ZCCHC14: variants seen among roughly 807,000 people sequenced by gnomAD.
The protein encoded by ZCCHC14 is zinc finger CCHC domain-containing protein 14.
ZCCHC14 carries 16 observed loss-of-function variants against 85.0 expected under a neutral mutation model. That is an observed-to-expected ratio of 0.19 (90% CI 0.13 to 0.29). The LOEUF is 0.29. Among genes scored for constraint, ZCCHC14 ranks in the 10% least tolerant of loss-of-function variants. The pLI, the probability that ZCCHC14 is intolerant of heterozygous loss-of-function variation, is 1.00. For missense variants in ZCCHC14, 1,303 were observed against 1,443.5 expected (o/e 0.90, Z 1.58); for synonymous variants, 775 against 630.7 (o/e 1.23, Z -3.43).
intron 1 of ZCCHC14, among the ~76,000 whole-genome samples, chr16:87,484,978 T>C (rs1912448150): frequency 6.6e-6 from 1 of 152,098 alleles, no homozygotes; most frequent in African/African-American, 2.4e-5. Flanking sequence ...GGACCAGCCT[T>C]ACACAGAAAG....
At position 87,412,710 on chromosome 16, in the gene ZCCHC14, A is replaced by C; in HGVS notation, c.2011T>G (p.Leu671Val). Residue 671 changes from leucine to valine, a missense_variant, in exon 12 of 13, where the codon TTG becomes GTG. By Grantham distance (32) the Leu-to-Val change is conservative (BLOSUM62 1). This residue lies in a region of ZCCHC14 where 797 missense variants were observed against 730.8 expected (regional missense o/e 1.09). Coordinates refer to ENST00000671377, the MANE Select transcript of ZCCHC14 (RefSeq NM_015144.3). ...KLLSSSVHSLLSLEERNKGSG... is the reference protein window; with the variant it reads ...KLLSSSVHSLVSLEERNKGSG... ...CCTTTATTCCTTTCTTCTAGAGACA[A>C]AAGTGAGTGCACAGAAGACGAGAGG... 6.2e-7 allele frequency: 1 copy of C among 1,614,204 alleles called. No homozygotes were observed. The highest frequency in any genetic ancestry group is 8.5e-7 in the Non-Finnish European group (1 of 1,180,030).
In ZCCHC14 at chr16:87,492,818, G is replaced by A. The variant is rs1243009870; in HGVS notation, c.-580C>T. On this transcript the variant is annotated 5_prime_UTR_variant, in exon 1 of 13. Coordinates refer to ENST00000671377, the MANE Select transcript of ZCCHC14 (RefSeq NM_015144.3). This position sits in a 1 kb window ranked among gnomAD's most constrained non-coding sequence, Gnocchi z 6.7. ...CGGCCGCGAAACGGACGCTGGAGGG[G>A]GAGGGACGCGCGGCGGGAGGCGCGG... 6.8e-6 allele frequency among the ~76,000 whole-genome samples: 1 copy of A among 147,734 alleles called. No homozygotes were observed. The highest frequency in any genetic ancestry group is 2.4e-5 in the African/African-American group (1 of 41,046).
intron 3 of ZCCHC14, among the ~76,000 whole-genome samples, chr16:87,425,427 T>C (rs767749281): frequency 2.0e-5 from 3 of 151,744 alleles, no homozygotes; most frequent in Non-Finnish European, 4.4e-5. Flanking sequence ...AAATACAAAA[T>C]TGGCCGGGCA....
chr16:87,454,684 A>C (rs1055923084), intron 2 of ZCCHC14, among the ~76,000 whole-genome samples: 7 of 152,392 alleles, frequency 4.6e-5, no homozygotes, highest in African/African-American at 1.7e-4. Flanking sequence ...TAAAATGAAG[A>C]GCAGTGGGAA....
intron 1 of ZCCHC14, among the ~76,000 whole-genome samples, chr16:87,480,367 C>T (rs1438395576): frequency 2.6e-5 from 4 of 151,982 alleles, no homozygotes; most frequent in Non-Finnish European, 5.9e-5. Flanking sequence ...TGCGCCACTG[C>T]ACTCCAGCCT....
Position 87,417,760 on chromosome 16 carries a change from G to A in ZCCHC14, c.1101-18C>T, listed in dbSNP as rs1271754677. On this transcript the variant is annotated intron_variant, in intron 7 of 12. Coordinates refer to ENST00000671377, the MANE Select transcript of ZCCHC14 (RefSeq NM_015144.3). ...ACACAGGCCTGTGGGACAGGGGCAG[G>A]AGGGACACAGAGAGACTGTGGCTTC... The A allele has an allele frequency of 6.4e-7, 1 of 1,552,146 alleles. No individual in the cohort carries two copies. Among genetic ancestry groups the A allele is most frequent in the Non-Finnish European group, 8.7e-7 (1 of 1,152,700 alleles).
At position 87,411,589 on chromosome 16, in the gene ZCCHC14, A is replaced by C. The variant is rs753437902; in HGVS notation, c.3132T>G (p.Ser1044=). The change falls in exon 12 of 13, where the codon TCT becomes TCG. Residue 1044 remains serine (S), a synonymous_variant. Coordinates refer to ENST00000671377, the MANE Select transcript of ZCCHC14 (RefSeq NM_015144.3). ...GSSHKKSGNL[S]CYNCGATGHR... ...GACCAGTGGCCCCGCAGTTGTAACA[A>C]GATAGGTTCCCGCTCTTTTTGTGAC... 1 of 1,613,868 alleles carries C rather than the reference A, an allele frequency of 6.2e-7. No individual in the cohort carries two copies. The highest frequency in any genetic ancestry group is 1.1e-5 in the South Asian group (1 of 91,086).
rs994417924 is a variant in ZCCHC14 at position 87,413,465 on chromosome 16, G to A, written c.1604-270C>T. 5.3e-5 allele frequency among the ~76,000 whole-genome samples: 8 copies of A among 152,042 alleles called. No homozygotes were observed. In the East Asian group the frequency reaches 1.2e-3, roughly 22 times the overall value. On this transcript the variant is annotated intron_variant, in intron 10 of 12. Coordinates refer to ENST00000671377, the MANE Select transcript of ZCCHC14 (RefSeq NM_015144.3). ...ATGCCCTGTGAAGGGCACCCCCAGC[G>A]CACCCCCAGGAACTATCACAACACT...
chr16:87,453,440 G>C (rs955327495), intron 2 of ZCCHC14, among the ~76,000 whole-genome samples: 18 of 152,270 alleles, frequency 1.2e-4, no homozygotes, highest in African/African-American at 4.1e-4. Flanking sequence ...GGCGGGCCCT[G>C]TCAGTTCCCC....
chr16:87,415,196 AGCACTGGAAGCCTCAGCACTCCATTCG>A, intron 9 of ZCCHC14, 53 bp downstream of exon 9: 1 of 1,196,882 alleles, frequency 8.4e-7, no homozygotes, highest in Non-Finnish European at 1.2e-6. Context: ...ACTAGTATTT[AGCACTGGAAGCCTCAGCACTCCATTCG>A]GCACACGAGA....
chr16:87,474,536 T>C (rs1911916451), intron 1 of ZCCHC14, among the ~76,000 whole-genome samples: 2 of 152,274 alleles, frequency 1.3e-5, no homozygotes, highest in Admixed American at 1.3e-4. Flanking sequence ...CTATAAACTC[T>C]GGACAAAGCA....
At chr16:87,470,522 T>G (rs1259385463) in intron 1 of ZCCHC14, 1 of 147,088 alleles carries the variant, frequency 6.8e-6, no homozygotes, top group African/African-American at 2.4e-5. Context: ...TGTGATGAGC[T>G]TTTTTCCCAT....
chr16:87,486,331 A>G (rs142399088), intron 1 of ZCCHC14, among the ~76,000 whole-genome samples: 2,517 of 152,272 alleles, frequency 0.017, 25 homozygotes, highest in Middle Eastern at 0.048. Flanking sequence ...CTAATAATGC[A>G]TTTTTACTGT....
At chr16:87,474,159 G>A (rs1251938570) in intron 1 of ZCCHC14, 1 of 152,366 alleles carries the variant, frequency 6.6e-6, no homozygotes, top group African/African-American at 2.4e-5. Context: ...CACACCTACA[G>A]GTGAAGCCTA....
At chr16:87,421,498 G>A (rs1909092707) in intron 4 of ZCCHC14, among the ~76,000 whole-genome samples, 1 of 152,142 alleles carries the variant, frequency 6.6e-6, no homozygotes, top group Non-Finnish European at 1.5e-5. Context: ...GTGCCACCCC[G>A]AAGCCCAGGC....
In ZCCHC14 at chr16:87,459,993, C is replaced by T. The variant is rs746511480; in HGVS notation, c.694+15G>A. ...GTCCGTCAGACGTCCTCCTGAAACC[C>T]GTGCGTGCACTCACCTTTGCTGTGT... On this transcript the variant is annotated intron_variant, in intron 2 of 12. Coordinates refer to ENST00000671377, the MANE Select transcript of ZCCHC14 (RefSeq NM_015144.3). The T allele has an allele frequency of 1.8e-5, 29 of 1,613,904 alleles. No individual in the cohort carries two copies. Among genetic ancestry groups the T allele is most frequent in the South Asian group, 1.2e-4 (11 of 91,074 alleles).
intron 2 of ZCCHC14, among the ~76,000 whole-genome samples, chr16:87,438,822 C>T (rs1910053203): frequency 6.6e-6 from 1 of 152,212 alleles, no homozygotes. Flanking sequence ...TACAGAGGAA[C>T]AGCAGAGGGC....
chr16:87,411,479 C>T (rs760972584), intron 12 of ZCCHC14, 37 bp downstream of exon 12: 16 of 1,607,736 alleles, frequency 1.0e-5, no homozygotes, highest in South Asian at 4.4e-5. Flanking sequence ...ACTGGTCCTG[C>T]GGGAGCCTGG....
At chr16:87,458,805 G>A (rs568808326) in intron 2 of ZCCHC14, among the ~76,000 whole-genome samples, 14 of 152,274 alleles carry the variant, frequency 9.2e-5, no homozygotes, top group African/African-American at 3.4e-4. Context: ...AAATAACACA[G>A]GGAGAATAGA....
Sources: allele counts gnomAD v4.1 joint callset (sites outside exome capture counted in the v4.1 genomes callset), GRCh38; gene constraint gnomAD v4.1.1; regional missense constraint gnomAD v4.1.1; non-coding constraint Gnocchi (gnomAD v3.1); transcripts MANE v1.5; gene names NCBI Gene and HGNC (gene_info 2026-07-23, HGNC 2026-07-21).